TMEFF1: variants seen among roughly 807,000 people sequenced by gnomAD.
TMEFF1 encodes tomoregulin-1.
TMEFF1 carries 20 observed loss-of-function variants against 47.5 expected under a neutral mutation model. The ratio of observed to expected loss-of-function variants is 0.42; its 90% CI spans 0.30 to 0.61. TMEFF1 has a LOEUF of 0.61. TMEFF1 is among the 20% of genes least tolerant of loss of function. The pLI is 0.19. For synonymous variants in TMEFF1, 162 were observed against 166.3 expected (o/e 0.97, Z 0.20); for missense variants, 411 against 471.1 (o/e 0.87, Z 1.18).
At chr9:100,572,761 T>A (rs1839271634) in intron 9 of TMEFF1, 85 bp downstream of exon 9, 1 of 1,453,440 alleles carries the variant, frequency 6.9e-7, no homozygotes, top group Admixed American at 2.5e-5. Context: ...ACCAGTCTAT[T>A]AGGAAAAATC....
chr9:100,529,893 C>T (rs906438420), intron 5 of TMEFF1, among the ~76,000 whole-genome samples: 2 of 152,212 alleles, frequency 1.3e-5, no homozygotes, highest in African/African-American at 4.8e-5. Context: ...AACAAATTAT[C>T]TCTCAGACCG....
chr9:100,562,351 AAAT>A (rs1389940577), intron 8 of TMEFF1, among the ~76,000 whole-genome samples: 1 of 152,066 alleles, frequency 6.6e-6, no homozygotes, highest in African/African-American at 2.4e-5. Context: ...CTTTCCAAAA[AAAT>A]AAGAGGAAGC....
chr9:100,504,064 T>C (rs918739545), intron 2 of TMEFF1, among the ~76,000 whole-genome samples: 3 of 152,246 alleles, frequency 2.0e-5, no homozygotes, highest in African/African-American at 7.2e-5. Context: ...CTGCTCCATC[T>C]TTCTAAACTA....
chr9:100,500,376 C>T (rs1837736114), intron 2 of TMEFF1, among the ~76,000 whole-genome samples: 1 of 152,024 alleles, frequency 6.6e-6, no homozygotes, highest in Non-Finnish European at 1.5e-5. Flanking sequence ...TAATCTGGGA[C>T]TTCCATGATG....
chr9:100,560,387 T>C (rs974169637), intron 7 of TMEFF1, among the ~76,000 whole-genome samples: 120 of 152,222 alleles, frequency 7.9e-4, no homozygotes, highest in African/African-American at 2.6e-3. Context: ...CTGTGTAAGA[T>C]AGAAATGGCA....
At chr9:100,554,029 A>G (rs1838873263) in intron 7 of TMEFF1, among the ~76,000 whole-genome samples, 3 of 152,144 alleles carry the variant, frequency 2.0e-5, no homozygotes, top group Admixed American at 6.5e-5. Context: ...TAATCTAACT[A>G]TACCACCCTT....
At chr9:100,505,792 C>G (rs543732179) in intron 2 of TMEFF1, among the ~76,000 whole-genome samples, 1 of 152,220 alleles carries the variant, frequency 6.6e-6, no homozygotes, top group Non-Finnish European at 1.5e-5. Context: ...GAACACAACA[C>G]TACGTTAGAA....
chr9:100,533,228 T>TA (rs1210935859), intron 5 of TMEFF1, among the ~76,000 whole-genome samples: 2 of 152,064 alleles, frequency 1.3e-5, no homozygotes, highest in Non-Finnish European at 2.9e-5. Flanking sequence ...CCGTAGAACT[T>TA]AAAGTATAAT....
Position 100,570,297 on chromosome 9 carries a change from G to A in TMEFF1, c.900-2221G>A, listed in dbSNP as rs76879869. Among the ~76,000 whole-genome samples the A allele has an allele frequency of 6.9e-3, 1,047 of 152,246 alleles. 12 individuals are homozygous for A. Among genetic ancestry groups the A allele is most frequent in the African/African-American group, 0.023 (976 of 41,552 alleles). On this transcript the variant is annotated intron_variant, in intron 8 of 9. Transcript: ENST00000374879. ...TTTATTTCCTATAGTTATATACCCA[G>A]TAATGAGATTGCTGGATCATATGGT...
chr9:100,493,386 G>A (rs193160517), intron 1 of TMEFF1, among the ~76,000 whole-genome samples: 2 of 152,136 alleles, frequency 1.3e-5, no homozygotes, highest in African/African-American at 4.8e-5. Flanking sequence ...TAGAAAAGTC[G>A]TATCATTCTG....
chr9:100,490,303 A>G (rs1308579027), intron 1 of TMEFF1, among the ~76,000 whole-genome samples: 1 of 152,214 alleles, frequency 6.6e-6, no homozygotes, highest in Non-Finnish European at 1.5e-5. Context: ...TTTATACTAG[A>G]AGATAACTAA....
intron 7 of TMEFF1, among the ~76,000 whole-genome samples, chr9:100,557,242 T>C (rs1172786514): frequency 1.3e-5 from 2 of 151,866 alleles, no homozygotes; most frequent in East Asian, 3.8e-4. Flanking sequence ...TTAGAACATT[T>C]TCTACACCCC....
chr9:100,570,686 T>A (rs1247812633), intron 8 of TMEFF1, among the ~76,000 whole-genome samples: 1 of 151,954 alleles, frequency 6.6e-6, no homozygotes, highest in Non-Finnish European at 1.5e-5. Context: ...TAGAGCCCAA[T>A]GTGAAATGTA....
At chr9:100,536,318 G>A (rs1280312188) in intron 5 of TMEFF1, among the ~76,000 whole-genome samples, 2 of 152,052 alleles carry the variant, frequency 1.3e-5, no homozygotes, top group Non-Finnish European at 2.9e-5. Flanking sequence ...GCCTCATATT[G>A]TAGGGCTCAA....
At chr9:100,544,504 C>A (rs559489989) in intron 5 of TMEFF1, among the ~76,000 whole-genome samples, 2 of 152,304 alleles carry the variant, frequency 1.3e-5, no homozygotes, top group South Asian at 4.1e-4. Flanking sequence ...CAGTCACCTC[C>A]TACCGGGTTC....
intron 2 of TMEFF1, among the ~76,000 whole-genome samples, chr9:100,507,770 A>G (rs1187948717): frequency 6.6e-6 from 1 of 152,142 alleles, no homozygotes; most frequent in African/African-American, 2.4e-5. Context: ...AATTTCTTGA[A>G]CAGTTATACT....
At chr9:100,528,181 C>T (rs1436161646) in intron 5 of TMEFF1, among the ~76,000 whole-genome samples, 6 of 150,508 alleles carry the variant, frequency 4.0e-5, no homozygotes, top group Admixed American at 2.6e-4. Flanking sequence ...AAAAGCAGAG[C>T]GCCTCTCCTC....
At chr9:100,524,032 CCT>C (rs1459942920) in intron 5 of TMEFF1, among the ~76,000 whole-genome samples, 1 of 152,082 alleles carries the variant, frequency 6.6e-6, no homozygotes, top group African/African-American at 2.4e-5. Flanking sequence ...CACTTCCACC[CCT>C]GTTCCCAGTC....
intron 2 of TMEFF1, among the ~76,000 whole-genome samples, chr9:100,507,195 C>A (rs769633842): frequency 1.3e-5 from 2 of 152,110 alleles, no homozygotes; most frequent in African/African-American, 4.8e-5. Flanking sequence ...TTATTTCATT[C>A]TTTTTTATGG....
Sources: allele counts gnomAD v4.1 joint callset (sites outside exome capture counted in the v4.1 genomes callset), GRCh38; gene constraint gnomAD v4.1.1; transcripts MANE v1.5; gene names NCBI Gene and HGNC (gene_info 2026-07-23, HGNC 2026-07-21).